FTCD: variants seen among roughly 807,000 people sequenced by gnomAD.
FTCD encodes formimidoyltransferase cyclodeaminase.
A neutral mutation model predicts 62.9 loss-of-function variants in FTCD; 76 were observed. That is an observed-to-expected ratio of 1.21 (90% CI 1.00 to 1.46). FTCD has a LOEUF of 1.46. Ranked by LOEUF, FTCD falls within the 40% of genes most tolerant of loss-of-function variation. FTCD has a pLI of 0.00. For synonymous variants in FTCD, 397 were observed against 336.9 expected, an observed-to-expected ratio of 1.18 and a Z score of -1.95; for missense variants, 845 against 751.3, an observed-to-expected ratio of 1.12 and a Z score of -1.46.
rs1382949998 is a variant in FTCD at position 46,145,596 on chromosome 21, G to A, written c.1099-18C>T. The A allele has an allele frequency of 7.2e-6, 11 of 1,525,278 alleles. No homozygotes were observed. Among genetic ancestry groups the A allele is most frequent in the African/African-American group, 1.4e-5 (1 of 72,314 alleles). 94.5% of individuals were successfully genotyped at this position (1,525,278 alleles called of 1,614,324 possible). On this transcript the variant is annotated intron_variant, in intron 9 of 13. Coordinates refer to ENST00000397746, the MANE Select transcript of FTCD (RefSeq NM_206965.2). ...GCCGCACCCTGCGAGAGGGGTGGAT[G>A]TGGGGGTCGCAGGGACCCCAGACGG...
chr21:46,136,313 G>A, downstream of FTCD: 1 of 784,744 alleles, frequency 1.3e-6, no homozygotes, highest in Non-Finnish European at 2.1e-6. Context: ...ACAGGAGGCT[G>A]GCTGGGCAGG....
In FTCD at chr21:46,154,301, T is replaced by C. The variant is rs2079377816; in HGVS notation, c.86A>G (p.Gln29Arg). The C allele has an allele frequency of 2.5e-6, 4 of 1,611,544 alleles. No homozygotes were observed. Among genetic ancestry groups the C allele is most frequent in the Non-Finnish European group, 3.4e-6 (4 of 1,179,656 alleles). Residue 29 changes from glutamine (Q) to arginine (R), a missense_variant, in exon 2 of 14, where the codon CAG (glutamine) becomes CGG (arginine). Gln to Arg is a conservative substitution (Grantham distance 43). Coordinates refer to ENST00000397746, the MANE Select transcript of FTCD (RefSeq NM_206965.2). ...VIDAISGAIT[Q>R]TPGCVLLDVD... is the part of the protein sequence containing the mutation. ...ATCCAGCAGCACGCAGCCCGGGGTC[T>C]GTGTGATGGCTCCAGAGATGGCGTC...
In FTCD at chr21:46,151,662, C is replaced by T; in HGVS notation, c.532G>A (p.Ala178Thr). The T allele has an allele frequency of 5.6e-6, 9 of 1,612,978 alleles. No individual in the cohort carries two copies. Among genetic ancestry groups the T allele is most frequent in the Non-Finnish European group, 6.8e-6 (8 of 1,179,908 alleles). ...TTAAAAGCAATGAGGAACTTCCTCG[C>T]CCCCGTGGCCGTGGCCCCCCAACTG... ...VPSWGATATG[A>T]RKFLIAFNIN... The change falls in exon 5 of 14, where the codon GCG (alanine) becomes ACG (threonine). Residue 178 changes from alanine to threonine, a missense_variant. By Grantham distance (58) the Ala-to-Thr change is moderately conservative. Transcript: ENST00000397746.
chr21:46,151,512 C>G (rs760058832), intron 5 of FTCD, 46 bp downstream of exon 5: 1 of 1,554,870 alleles, frequency 6.4e-7, no homozygotes, highest in Non-Finnish European at 8.9e-7. Context: ...CTAACCCTTT[C>G]CCGAGGGGCT....
intron 10 of FTCD, among the ~76,000 whole-genome samples, chr21:46,144,040 A>C (rs930685257): frequency 3.9e-5 from 6 of 152,106 alleles, no homozygotes; most frequent in Non-Finnish European, 7.4e-5. Flanking sequence ...GATTAAAAAA[A>C]ATGATGTGAG....
chr21:46,154,093 G>A, intron 2 of FTCD, 56 bp downstream of exon 2: 1 of 1,579,534 alleles, frequency 6.3e-7, no homozygotes, highest in Non-Finnish European at 8.7e-7. Flanking sequence ...ACCAGGACAG[G>A]GCTCGGCCCT....
At position 46,154,155 on chromosome 21, in the gene FTCD, G is replaced by C; in HGVS notation, c.232C>G (p.His78Asp). ...GAGAGCCCAGAGACCTCACCTTGGT[G>C]CCTGCTCATGTCGATAAGTCGGGAA... ...VASRLIDMSR[H>D]QGEHPRMGAL... Residue 78 changes from histidine to aspartate, a missense_variant, in exon 2 of 14, where the codon CAC becomes GAC. Coordinates refer to ENST00000397746, the MANE Select transcript of FTCD (RefSeq NM_206965.2). 1.9e-6 allele frequency: 3 copies of C among 1,612,752 alleles called. No individual in the cohort carries two copies. Among genetic ancestry groups the C allele is most frequent in the Non-Finnish European group, 2.5e-6 (3 of 1,179,914 alleles).
In FTCD at chr21:46,150,418, C is replaced by T. The variant is rs372466334; in HGVS notation, c.744G>A (p.Thr248=). The change falls in exon 6 of 14, where the codon ACG becomes ACA. Residue 248 remains threonine, a synonymous_variant. Coordinates refer to ENST00000397746, the MANE Select transcript of FTCD (RefSeq NM_206965.2). ...CTTCTCGGCAGGTCTCCTCGTAGACCGTGTGCAGTGCCGTGACCTCAAAGT... is the reference window on the plus strand; with the variant it reads ...CTTCTCGGCAGGTCTCCTCGTAGACTGTGTGCAGTGCCGTGACCTCAAAGT... ...LLDFEVTALH[T]VYEETCREAQ... is the part of the protein sequence containing the mutation. 73 of 1,612,942 alleles carry T rather than the reference C, an allele frequency of 4.5e-5. No individual in the cohort carries two copies. The highest frequency in any genetic ancestry group is 3.3e-4 in the Middle Eastern group (2 of 6,082).
chr21:46,141,049 A>G (rs904707569), intron 10 of FTCD, among the ~76,000 whole-genome samples: 3 of 152,224 alleles, frequency 2.0e-5, no homozygotes, highest in African/African-American at 7.2e-5. Context: ...TCCCTTGATT[A>G]CATTTTCATC....
chr21:46,137,014 C>G lies in FTCD; in HGVS notation c.1599G>C (p.Leu533=), dbSNP rs1168876984. 6.2e-7 allele frequency: 1 copy of G among 1,613,570 alleles called. No homozygotes were observed. The highest frequency in any genetic ancestry group is 8.5e-7 in the Non-Finnish European group (1 of 1,179,990). The change falls in exon 14 of 14, where the codon CTG becomes CTC. Residue 533 remains leucine, a synonymous_variant. Transcript: ENST00000397746. The part of the protein sequence containing the change: ...QEAKTQAALV[L]DCLETRQE ...ACTCCTGCCGGGTCTCCAAGCAGTC[C>G]AGCACCAGTGCAGCCTGGGTCTTGG...
At position 46,136,972 on chromosome 21, in the gene FTCD, A is replaced by G. The variant is rs1422049911; in HGVS notation, c.*15T>C. 3 of 1,612,812 alleles carry G rather than the reference A, an allele frequency of 1.9e-6. No individual in the cohort carries two copies. The highest frequency in any genetic ancestry group is 2.2e-5 in the East Asian group (1 of 44,880). The stretch of plus-strand genomic sequence containing the variant: ...GAGGGAGGGGCCACAGAGCCCGGAG[A>G]GGCCTCCCGCACCGTCACTCCTGCC... On this transcript the variant is annotated 3_prime_UTR_variant, in exon 14 of 14. Transcript: ENST00000397746.
At chr21:46,151,055 T>G (rs2123560536) in intron 5 of FTCD, among the ~76,000 whole-genome samples, 1 of 152,324 alleles carries the variant, frequency 6.6e-6, no homozygotes, top group South Asian at 2.1e-4. Flanking sequence ...GACCGGGGTC[T>G]CTGAGTGGGG....
intron 10 of FTCD, chr21:46,142,074 G>A (rs1319981384): frequency 6.6e-6 from 1 of 152,428 alleles, no homozygotes; most frequent in East Asian, 1.9e-4. Context: ...AACCCCCGAA[G>A]GGCCTATCTA....
chr21:46,139,298 T>A (rs1169979567), intron 10 of FTCD, among the ~76,000 whole-genome samples: 1 of 152,156 alleles, frequency 6.6e-6, no homozygotes, highest in Non-Finnish European at 1.5e-5. Flanking sequence ...CCCCCAAGCC[T>A]GGGCATAAGA....
chr21:46,138,539 C>T lies in FTCD; in HGVS notation c.1412G>A (p.Cys471Tyr). The T allele has an allele frequency of 6.3e-7, 1 of 1,586,674 alleles. No individual in the cohort carries two copies. Among genetic ancestry groups the T allele is most frequent in the East Asian group, 2.3e-5 (1 of 44,274 alleles). The change falls in exon 12 of 14, where the codon TGT (cysteine) becomes TAT (tyrosine). Residue 471 changes from cysteine to tyrosine, a missense_variant. Physicochemically the swap from Cys to Tyr is radical, Grantham distance 194 (BLOSUM62 -2). Coordinates refer to ENST00000397746, the MANE Select transcript of FTCD (RefSeq NM_206965.2). ...LWPALQELAR[C>Y]GNLACRSDLQ... ...GTCTGACCGGCAGGCCAGGTTCCCA[C>T]ACCGGGCCAGTTCCTGCAGGGCCGG... is the stretch of plus-strand genomic sequence containing the variant.
chr21:46,137,400 T>G (rs2078895282), intron 12 of FTCD, 66 bp from the exon 13 acceptor site: 1 of 1,219,086 alleles, frequency 8.2e-7, no homozygotes, highest in Non-Finnish European at 1.2e-6. Flanking sequence ...GGAGGGTCTC[T>G]GCCTGACGGG....
At position 46,138,570 on chromosome 21, in the gene FTCD, G is replaced by C; in HGVS notation, c.1381C>G (p.Leu461Val). The part of the protein sequence containing the change: ...PLTLAETVAS[L>V]WPALQELARC... ...GCCAGTTCCTGCAGGGCCGGCCACA[G>C]CGAGGCCACCGTCTCCGCCAGCGTC... The change falls in exon 12 of 14, where the codon CTG becomes GTG. Residue 461 changes from leucine to valine, a missense_variant. Coordinates refer to ENST00000397746, the MANE Select transcript of FTCD (RefSeq NM_206965.2). The C allele has an allele frequency of 6.3e-7, 1 of 1,587,788 alleles. No individual in the cohort carries two copies. The highest frequency in any genetic ancestry group is 1.1e-5 in the South Asian group (1 of 88,952).
At position 46,150,385 on chromosome 21, in the gene FTCD, C is replaced by A; in HGVS notation, c.774+3G>T. 1 of 1,612,848 alleles carries A rather than the reference C, an allele frequency of 6.2e-7. No homozygotes were observed. Among genetic ancestry groups the A allele is most frequent in the South Asian group, 1.1e-5 (1 of 91,078 alleles). On this transcript the variant is annotated splice_donor_region_variant and intron_variant, in intron 6 of 13. Transcript: ENST00000397746. ...CAGCAGCAGCGGCTGCTCCCGGGCT[C>A]ACCTGTGCTTCTCGGCAGGTCTCCT...
intron 10 of FTCD, among the ~76,000 whole-genome samples, chr21:46,141,854 C>T (rs2079015489): frequency 1.3e-5 from 2 of 152,172 alleles, no homozygotes; most frequent in Non-Finnish European, 2.9e-5. Context: ...TTAACCTGCC[C>T]GGTAATGAGA....
Sources: gnomAD v4.1 joint callset for allele counts (sites outside exome capture counted in the v4.1 genomes callset) on GRCh38, gnomAD v4.1.1 for gene constraint, MANE v1.5 for transcripts, NCBI Gene and HGNC (gene_info 2026-07-23, HGNC 2026-07-21) for gene names.